Variants in FCRL1 observed in about 807,000 individuals in gnomAD.
FCRL1 encodes the protein Fc receptor like 1, also known as Fc receptor-like protein 1.
A neutral mutation model predicts 49.2 loss-of-function variants in FCRL1; 34 were observed. The ratio of observed to expected loss-of-function variants is 0.69; its 90% confidence interval spans 0.53 to 0.92. The LOEUF (loss-of-function observed/expected upper bound fraction) is 0.92, where lower values mean the gene tolerates loss of function less well. Among genes scored for constraint, FCRL1 ranks in the 40% least tolerant of loss-of-function variants. The pLI is 0.00. For synonymous variants in FCRL1, 218 were observed against 201.6 expected, an observed-to-expected ratio of 1.08 and a Z score of -0.69; for missense variants, 524 against 524.1, an observed-to-expected ratio of 1.00 and a Z score of 0.00.
rs79735994 is a variant in FCRL1, at chr1:157,803,494, C to G, written c.319+351G>C. Among the ~76,000 whole-genome samples, 201 of 152,322 alleles carry G rather than the reference C, an allele frequency of 1.3e-3. 1 individual carries two copies. The highest frequency in any genetic ancestry group is 4.7e-3 in the African/African-American group (194 of 41,570). ...CTTTATCCCCCTTCTCTGTAGTCAA[C>G]AGCCAGTCCTACACAATGCAGCACC... is the stretch of plus-strand genomic sequence containing the variant. On this transcript the variant is annotated intron_variant, in intron 3 of 10. Coordinates refer to ENST00000368176, the MANE Select transcript of FCRL1 (RefSeq NM_052938.5).
chr1:157,815,868 T>C (rs1654958803), intron 1 of FCRL1, among the ~76,000 whole-genome samples: 1 of 151,888 alleles, frequency 6.6e-6, no homozygotes, highest in Non-Finnish European at 1.5e-5. Flanking sequence ...ATATACAAAT[T>C]CTTGCACACA....
At chr1:157,798,738 T>C (rs920029757) in intron 7 of FCRL1, among the ~76,000 whole-genome samples, 1 of 152,224 alleles carries the variant, frequency 6.6e-6, no homozygotes, top group African/African-American at 2.4e-5. Flanking sequence ...TTGGGATCTC[T>C]AGATGGAAGT....
chr1:157,804,247 C>CCA, intron 2 of FCRL1, 136 bp from the exon 3 acceptor site: 2 of 407,400 alleles, frequency 4.9e-6, no homozygotes, highest in African/African-American at 5.7e-5. Context: ...CATGTCTCCA[C>CCA]CCCCCCCCCA....
intron 2 of FCRL1, among the ~76,000 whole-genome samples, chr1:157,804,615 C>T (rs1008257845): frequency 1.3e-5 from 2 of 152,132 alleles, no homozygotes; most frequent in African/African-American, 4.8e-5. Flanking sequence ...CCTGCAGGGT[C>T]GATCTGTCCA....
chr1:157,804,076 CTG>C lies in FCRL1; in HGVS notation c.86_87del (p.Thr29ArgfsTer10), dbSNP rs1652982991. The C allele has an allele frequency of 6.2e-7, 1 of 1,614,180 alleles. No individual in the cohort carries two copies. The highest frequency in any genetic ancestry group is 8.5e-7 in the Non-Finnish European group (1 of 1,180,026). On this transcript the variant is annotated frameshift_variant, in exon 3 of 11. Coordinates refer to ENST00000368176, the MANE Select transcript of FCRL1 (RefSeq NM_052938.5). LOFTEE classifies it high-confidence loss of function. ...LFLIASPSHP[T>X]EGSPVTLTCK... is the part of the protein sequence containing the mutation. ...CACGTCAGGGTCACTGGGCTCCCCTCTGTGGGATGGGAGGGGCTGGCTATCAA... is the reference window on the plus strand; with the variant it reads ...CACGTCAGGGTCACTGGGCTCCCCTCTGGGATGGGAGGGGCTGGCTATCAA...
chr1:157,803,857 T>C lies in FCRL1; in HGVS notation c.307A>G (p.Ile103Val). ...CACTGACACTCACTGTGCACATTTA[T>C]CTGGGATCTCCTGCTCCTCAAGACT... Reference protein sequence around the residue: ...SKVLRSRRSQINVHRVPVADV... With the variant: ...SKVLRSRRSQVNVHRVPVADV... The change falls in exon 3 of 11, where the codon ATA (isoleucine) becomes GTA (valine). Residue 103 changes from isoleucine to valine, a missense_variant. Ile to Val is a conservative substitution (Grantham distance 29). Coordinates refer to ENST00000368176, the MANE Select transcript of FCRL1 (RefSeq NM_052938.5). 1 of 1,614,116 alleles carries C rather than the reference T, an allele frequency of 6.2e-7. No individual in the cohort carries two copies. The highest frequency in any genetic ancestry group is 8.5e-7 in the Non-Finnish European group (1 of 1,179,942).
At chr1:157,797,687 A>G (rs1651744656) in intron 9 of FCRL1, 181 bp downstream of exon 9, 1 of 1,472,900 alleles carries the variant, frequency 6.8e-7, no homozygotes, top group Non-Finnish European at 9.3e-7. Flanking sequence ...GAACCTTAGC[A>G]TTAGCTCTGG....
At position 157,796,007 on chromosome 1, in the gene FCRL1, G is replaced by T; in HGVS notation, c.*92C>A. The T allele has an allele frequency of 9.4e-7, 1 of 1,059,390 alleles. No individual in the cohort carries two copies. Among genetic ancestry groups the T allele is most frequent in the Non-Finnish European group, 1.5e-6 (1 of 679,326 alleles). The allele number at this position is 1,059,390 out of a possible 1,614,324, so 65.6% of individuals were successfully genotyped here. ...GAATGGCATCCAGAAGAGGTATACTGGAAAGCTAATGCCCCAGGATCTCTG... is the reference window on the plus strand; with the variant it reads ...GAATGGCATCCAGAAGAGGTATACTTGAAAGCTAATGCCCCAGGATCTCTG... On this transcript the variant is annotated 3_prime_UTR_variant, in exon 11 of 11. Coordinates refer to ENST00000368176, the MANE Select transcript of FCRL1 (RefSeq NM_052938.5).
At chr1:157,810,810 A>G (rs567253280) in intron 1 of FCRL1, among the ~76,000 whole-genome samples, 1 of 152,188 alleles carries the variant, frequency 6.6e-6, no homozygotes, top group Non-Finnish European at 1.5e-5. Context: ...CTTTTTTGAG[A>G]CAGGATCTTG....
At chr1:157,800,107 A>G (rs1432580282) in intron 6 of FCRL1, 22 bp from the exon 7 acceptor site, 2 of 1,612,276 alleles carry the variant, frequency 1.2e-6, no homozygotes, top group Non-Finnish European at 1.7e-6. Context: ...ACAAATGAGC[A>G]TACACATAAA....
chr1:157,819,639 G>C (rs1254845807), intron 1 of FCRL1, among the ~76,000 whole-genome samples: 3 of 152,062 alleles, frequency 2.0e-5, no homozygotes, highest in Non-Finnish European at 4.4e-5. Context: ...GAGTCAGAGA[G>C]GGATAAAAGG....
At chr1:157,806,071 C>T (rs917258666) in intron 2 of FCRL1, among the ~76,000 whole-genome samples, 1 of 152,140 alleles carries the variant, frequency 6.6e-6, no homozygotes, top group Non-Finnish European at 1.5e-5. Flanking sequence ...TGGAAAATAC[C>T]TGGTGACAGA....
intron 6 of FCRL1, 98 bp downstream of exon 6, chr1:157,801,363 G>C: frequency 1.2e-6 from 1 of 801,262 alleles, no homozygotes; most frequent in Non-Finnish European, 2.2e-6. Context: ...GGTGTTAACA[G>C]CATATACATC....
rs55734126 is a variant in FCRL1, at chr1:157,820,025, G to T, written c.13C>A (p.Leu5Met). 1.2e-6 allele frequency: 2 copies of T among 1,614,128 alleles called. No individual in the cohort carries two copies. The highest frequency in any genetic ancestry group is 1.7e-6 in the Non-Finnish European group (2 of 1,180,018). The change falls in exon 1 of 11, where the codon CTG becomes ATG. Residue 5 changes from leucine (L) to methionine (M), a missense_variant. Physicochemically the swap from Leu to Met is conservative, Grantham distance 15. Coordinates refer to ENST00000368176, the MANE Select transcript of FCRL1 (RefSeq NM_052938.5). The stretch of plus-strand genomic sequence containing the variant: ...AACTCACCACAGATCAACAGCAACA[G>T]CCTCGGCAGCATGAGGACCAGGTCA... MLPR[L>M]LLLICAPLCE...
intron 1 of FCRL1, among the ~76,000 whole-genome samples, chr1:157,817,275 TA>T (rs1390456237): frequency 6.6e-6 from 1 of 151,966 alleles, no homozygotes; most frequent in Non-Finnish European, 1.5e-5. Flanking sequence ...AAAACTCTAA[TA>T]ATCTACAAAC....
intron 1 of FCRL1, among the ~76,000 whole-genome samples, chr1:157,810,619 A>G (rs1449818773): frequency 6.6e-6 from 1 of 151,996 alleles, no homozygotes; most frequent in African/African-American, 2.4e-5. Flanking sequence ...AAGGGATGAA[A>G]ATGTCCTGTA....
intron 6 of FCRL1, among the ~76,000 whole-genome samples, chr1:157,800,307 T>C (rs1652236563): frequency 6.6e-6 from 1 of 152,166 alleles, no homozygotes; most frequent in African/African-American, 2.4e-5. Context: ...CCAAAGCCAA[T>C]TAGTACCAGA....
chr1:157,810,803 T>C (rs1236132625), intron 1 of FCRL1, among the ~76,000 whole-genome samples: 1 of 152,146 alleles, frequency 6.6e-6, no homozygotes, highest in Non-Finnish European at 1.5e-5. Context: ...TATTTTACTT[T>C]TTTGAGACAG....
At position 157,802,440 on chromosome 1, in the gene FCRL1, A is replaced by T; in HGVS notation, c.544T>A (p.Tyr182Asn). ...SVRESDAEQY[Y>N]CVAENGYGPS... ...CCATAGCCATTTTCAGCTACACAGT[A>T]ATATTGCTCAGCATCACTCTCCCTC... The change falls in exon 4 of 11, where the codon TAC becomes AAC. Residue 182 changes from tyrosine to asparagine, a missense_variant. Coordinates refer to ENST00000368176, the MANE Select transcript of FCRL1 (RefSeq NM_052938.5). The T allele has an allele frequency of 6.2e-7, 1 of 1,614,184 alleles. No individual in the cohort carries two copies. Among genetic ancestry groups the T allele is most frequent in the Non-Finnish European group, 8.5e-7 (1 of 1,180,024 alleles).
Sources: gnomAD v4.1 joint callset for allele counts (sites outside exome capture counted in the v4.1 genomes callset) on GRCh38, gnomAD v4.1.1 for gene constraint, MANE v1.5 for transcripts, NCBI Gene and HGNC (gene_info 2026-07-23, HGNC 2026-07-21) for gene names.